SLC46A3: variants seen among roughly 807,000 people sequenced by gnomAD.
The protein encoded by SLC46A3 is lysosomal proton-coupled steroid conjugate and bile acid symporter SLC46A3.
A neutral mutation model predicts 38.5 loss-of-function variants in SLC46A3; 26 were observed. The observed-to-expected ratio is 0.68, with a 90% CI of 0.49 to 0.94. The LOEUF is 0.94. Ranked by LOEUF, SLC46A3 falls within the 40% of genes least tolerant of loss-of-function variation. The probability of loss-of-function intolerance (pLI) is 0.00; values close to 1 mark genes in which losing one functional copy is unlikely to be tolerated. For synonymous variants in SLC46A3, 185 were observed against 192.5 expected, an observed-to-expected ratio of 0.96 and a Z score of 0.32; for missense variants, 510 against 544.3, an observed-to-expected ratio of 0.94 and a Z score of 0.63.
intron 2 of SLC46A3, among the ~76,000 whole-genome samples, chr13:28,716,937 C>A (rs1046260406): frequency 5.9e-5 from 9 of 151,994 alleles, no homozygotes; most frequent in African/African-American, 2.2e-4. Context: ...CAAAATATCC[C>A]CCAGAAGAAG....
Position 28,718,356 on chromosome 13 carries a change from G to GT in SLC46A3, c.-25+139dup, listed in dbSNP as rs140844937. On this transcript the variant is annotated intron_variant, in intron 1 of 5. Coordinates refer to ENST00000266943, the MANE Select transcript of SLC46A3 (RefSeq NM_181785.4). Reference sequence around the variant, plus strand: ...ACTGTATATTGCCAACTGATTTTTCGTAAGTTCAACAATGAGGTTCCTTTT... The same window carrying GT: ...ACTGTATATTGCCAACTGATTTTTCGTTAAGTTCAACAATGAGGTTCCTTTT... 119 of 172,528 alleles carry GT rather than the reference G, an allele frequency of 6.9e-4. 1 individual carries two copies. In the East Asian group the frequency reaches 0.018, roughly 26 times the overall value. 10.7% of individuals were successfully genotyped at this position (172,528 alleles called of 1,614,324 possible).
intron 2 of SLC46A3, among the ~76,000 whole-genome samples, chr13:28,717,199 TC>T (rs1306493470): frequency 1.3e-5 from 2 of 151,982 alleles, no homozygotes; most frequent in Non-Finnish European, 2.9e-5. Context: ...CGGTGGGTAC[TC>T]CCCACTCCAG....
intron 4 of SLC46A3, among the ~76,000 whole-genome samples, chr13:28,709,870 G>C (rs1329903790): frequency 6.6e-6 from 1 of 152,184 alleles, no homozygotes; most frequent in Non-Finnish European, 1.5e-5. Flanking sequence ...GATTGAACCA[G>C]CTGAGTGGGG....
chr13:28,714,752 T>C (rs929096438), intron 2 of SLC46A3, among the ~76,000 whole-genome samples: 4 of 152,004 alleles, frequency 2.6e-5, no homozygotes, highest in African/African-American at 9.7e-5. Flanking sequence ...CCATCTCAAA[T>C]AAATAAAAAT....
intron 3 of SLC46A3, 119 bp from the exon 4 acceptor site, chr13:28,710,962 G>T (rs74753667): frequency 2.9e-6 from 2 of 694,060 alleles, no homozygotes; most frequent in Non-Finnish European, 4.9e-6. Context: ...CTAACTCATT[G>T]TATCTAAAAA....
chr13:28,709,155 C>G (rs1229694630), intron 4 of SLC46A3, among the ~76,000 whole-genome samples: 1 of 152,064 alleles, frequency 6.6e-6, no homozygotes, highest in East Asian at 1.9e-4. Flanking sequence ...AACCCTGTCT[C>G]TGCTAAAAAC....
intron 4 of SLC46A3, among the ~76,000 whole-genome samples, chr13:28,708,348 G>C (rs1463063206): frequency 6.6e-6 from 1 of 151,950 alleles, no homozygotes; most frequent in African/African-American, 2.4e-5. Flanking sequence ...TTTTATTTTG[G>C]CCACCCCAGC....
At chr13:28,703,878 G>C in intron 5 of SLC46A3, 65 bp downstream of exon 5, 10 of 1,436,252 alleles carry the variant, frequency 7.0e-6, no homozygotes, top group Middle Eastern at 1.8e-4. Context: ...TAATTTACTG[G>C]TGAGGTTAGG....
Position 28,701,197 on chromosome 13 carries a change from T to G in SLC46A3, c.*300A>C. ...TTGCTTTTGACCTTATCAAGTTTCT[T>G]GATCCCTCCTTACACCCTTAAGTTT... is the stretch of plus-strand genomic sequence containing the variant. On this transcript the variant is annotated 3_prime_UTR_variant, in exon 6 of 6. Coordinates refer to ENST00000266943, the MANE Select transcript of SLC46A3 (RefSeq NM_181785.4). The G allele has an allele frequency of 7.2e-7, 1 of 1,397,162 alleles. No homozygotes were observed. Among genetic ancestry groups the G allele is most frequent in the Non-Finnish European group, 9.3e-7 (1 of 1,076,612 alleles). The allele number at this position is 1,397,162 out of a possible 1,614,324, so 86.5% of individuals were successfully genotyped here.
intron 4 of SLC46A3, 67 bp downstream of exon 4, chr13:28,710,693 T>C (rs762751769): frequency 4.0e-4 from 477 of 1,194,204 alleles, no homozygotes; most frequent in Non-Finnish European, 5.6e-4. Context: ...GCATTAAACA[T>C]TGATTGTACA....
In SLC46A3 at chr13:28,713,161, C is replaced by G; in HGVS notation, c.579G>C (p.Glu193Asp). The change falls in exon 3 of 6, where the codon GAG becomes GAC. Residue 193 changes from glutamate to aspartate, a missense_variant. Physicochemically the swap from Glu to Asp is conservative, Grantham distance 45. Transcript: ENST00000266943. ...TGLSSGYFIR[E>D]LGFEWSFLII... Reference sequence around the variant, plus strand: ...TTAGAAACGACCACTCAAAACCTAGCTCTCTAATAAAATAGCCAGATGACA... The same window carrying G: ...TTAGAAACGACCACTCAAAACCTAGGTCTCTAATAAAATAGCCAGATGACA... 2 of 1,614,026 alleles carry G rather than the reference C, an allele frequency of 1.2e-6. No individual in the cohort carries two copies. The highest frequency in any genetic ancestry group is 1.7e-6 in the Non-Finnish European group (2 of 1,179,990).
At position 28,708,167 on chromosome 13, in the gene SLC46A3, T is replaced by C. The variant is rs537171857; in HGVS notation, c.1144+2593A>G. 2.6e-5 allele frequency among the ~76,000 whole-genome samples: 4 copies of C among 152,354 alleles called. No homozygotes were observed. In the South Asian group the frequency reaches 8.3e-4, roughly 32 times the overall value. ...CAAGATTTTATGTGGACATATGCTTTCACTTCTCATGGTATGTAAGTAGGG... is the reference window on the plus strand; with the variant it reads ...CAAGATTTTATGTGGACATATGCTTCCACTTCTCATGGTATGTAAGTAGGG... On this transcript the variant is annotated intron_variant, in intron 4 of 5. Transcript: ENST00000266943.
intron 4 of SLC46A3, among the ~76,000 whole-genome samples, chr13:28,707,516 C>A (rs550572414): frequency 2.6e-5 from 4 of 151,878 alleles, no homozygotes; most frequent in Non-Finnish European, 5.9e-5. Context: ...ATGTAACAAA[C>A]CTGCACGTTG....
At chr13:28,710,492 G>T (rs1395122867) in intron 4 of SLC46A3, among the ~76,000 whole-genome samples, 2 of 152,210 alleles carry the variant, frequency 1.3e-5, no homozygotes, top group Admixed American at 1.3e-4. Context: ...CTCCCAGTGG[G>T]CATCTCCCAC....
Position 28,713,659 on chromosome 13 carries a change from G to C in SLC46A3, c.190-109C>G, listed in dbSNP as rs899857819. ...CCCTGTGGCCAGTAGGTTATGGGTG[G>C]GGAATCTCTGGTGGATGGGCGGGAC... On this transcript the variant is annotated intron_variant, in intron 2 of 5. Transcript: ENST00000266943. 18 of 1,033,142 alleles carry C rather than the reference G, an allele frequency of 1.7e-5. No homozygotes were observed. The Admixed American group carries it at 4.6e-4, about 27-fold the overall frequency. 64.0% of individuals were successfully genotyped at this position (1,033,142 alleles called of 1,614,324 possible).
intron 4 of SLC46A3, among the ~76,000 whole-genome samples, chr13:28,708,289 A>G (rs991059153): frequency 3.3e-5 from 5 of 152,176 alleles, no homozygotes; most frequent in African/African-American, 7.2e-5. Context: ...CTCGCAGTGT[A>G]TGAGGGCTCC....
intron 4 of SLC46A3, among the ~76,000 whole-genome samples, chr13:28,706,194 A>G (rs1885170329): frequency 6.6e-6 from 1 of 152,216 alleles, no homozygotes; most frequent in Non-Finnish European, 1.5e-5. Context: ...AGCTTCAGCT[A>G]TGAGTTCACA....
chr13:28,711,401 C>T (rs549472022), intron 3 of SLC46A3, among the ~76,000 whole-genome samples: 4 of 147,366 alleles, frequency 2.7e-5, no homozygotes, highest in African/African-American at 5.0e-5. Context: ...TCCAGCCTGG[C>T]GACAGAGTGA....
At chr13:28,706,708 G>A (rs565459425) in intron 4 of SLC46A3, among the ~76,000 whole-genome samples, 6 of 152,088 alleles carry the variant, frequency 3.9e-5, no homozygotes, top group Non-Finnish European at 8.8e-5. Context: ...CACTGCACCT[G>A]GCGGAGATGA....
Sources: allele counts gnomAD v4.1 joint callset (sites outside exome capture counted in the v4.1 genomes callset), GRCh38; gene constraint gnomAD v4.1.1; transcripts MANE v1.5; gene names NCBI Gene and HGNC (gene_info 2026-07-23, HGNC 2026-07-21).